The following RET variants were observed in gnomAD, a reference collection of about 807,000 sequenced individuals.
RET encodes proto-oncogene tyrosine-protein kinase receptor Ret.
Under a neutral mutation model 118.3 loss-of-function variants are expected in RET, and 19 were observed. That is an observed-to-expected ratio of 0.16 (90% CI 0.11 to 0.24). The LOEUF (loss-of-function observed/expected upper bound fraction) is 0.24. Ranked by LOEUF, RET falls within the 10% of genes least tolerant of loss-of-function variation. The pLI is 1.00. For synonymous variants in RET, 597 were observed against 644.1 expected, an observed-to-expected ratio of 0.93 and a Z score of 1.11; for missense variants, 1,219 against 1,502.1, an observed-to-expected ratio of 0.81 and a Z score of 3.12.
chr10:43,112,880 C>T lies in RET; in HGVS notation c.1676C>T (p.Ser559Phe), dbSNP rs1248003542. 1.2e-6 allele frequency: 2 copies of T among 1,614,136 alleles called. No homozygotes were observed. Among genetic ancestry groups the T allele is most frequent in the South Asian group, 2.2e-5 (2 of 91,080 alleles). Residue 559 changes from serine to phenylalanine, a missense_variant, in exon 9 of 20, where the codon TCT becomes TTT. Coordinates refer to ENST00000355710, the MANE Select transcript of RET (RefSeq NM_020975.6). ...ATCACCAGGAACTTCTCCACCTGCT[C>T]TCCCAGCACCAAGACCTGCCCCGAC... The part of the protein sequence containing the change: ...KGITRNFSTC[S>F]PSTKTCPDGH...
chr10:43,125,540 C>A (rs1838310567), intron 18 of RET, among the ~76,000 whole-genome samples: 1 of 152,204 alleles, frequency 6.6e-6, no homozygotes, highest in Non-Finnish European at 1.5e-5. Flanking sequence ...TTTCCCAGAG[C>A]CGAACGCAGG....
At chr10:43,085,538 C>T (rs777198997) in intron 1 of RET, among the ~76,000 whole-genome samples, 1 of 152,212 alleles carries the variant, frequency 6.6e-6, no homozygotes, top group African/African-American at 2.4e-5. Flanking sequence ...CCCCTCGGCC[C>T]CTGGTCAGGA....
intron 19 of RET, 55 bp from the exon 20 acceptor site, chr10:43,128,057 G>C: frequency 1.2e-6 from 2 of 1,600,134 alleles, no homozygotes; most frequent in Non-Finnish European, 1.7e-6. Flanking sequence ...CTTACTGTCT[G>C]CACTTGAAGT....
At chr10:43,123,565 C>T (rs1052400744) in intron 16 of RET, 106 bp from the exon 17 acceptor site, 15 of 1,466,686 alleles carry the variant, frequency 1.0e-5, no homozygotes, top group South Asian at 4.6e-5. Flanking sequence ...TGCTTGAAGC[C>T]GACAGGGTCA....
At chr10:43,085,099 T>C (rs1442464442) in intron 1 of RET, among the ~76,000 whole-genome samples, 2 of 152,206 alleles carry the variant, frequency 1.3e-5, no homozygotes, top group Non-Finnish European at 2.9e-5. Flanking sequence ...GAGGCCAGCA[T>C]GGAGCTGGGG....
Position 43,124,984 on chromosome 10 carries a change from T to G in RET, c.3039+2T>G. On this transcript the variant is annotated splice_donor_variant, in intron 18 of 19. Coordinates refer to ENST00000355710, the MANE Select transcript of RET (RefSeq NM_020975.6). LOFTEE classifies it high-confidence loss of function. ...GAGAAGATGATGGTTAAGAGGAGAG[T>G]GAGTGCCTGGGTCCAATTCCCACAA... 1.2e-6 allele frequency: 2 copies of G among 1,613,688 alleles called. No individual in the cohort carries two copies. Among genetic ancestry groups the G allele is most frequent in the Non-Finnish European group, 1.7e-6 (2 of 1,179,798 alleles).
intron 19 of RET, among the ~76,000 whole-genome samples, chr10:43,127,863 G>C (rs1382628828): frequency 1.3e-5 from 2 of 152,216 alleles, no homozygotes; most frequent in Non-Finnish European, 2.9e-5. Flanking sequence ...CATCAGATTA[G>C]AGAGTCTCAA....
Position 43,129,250 on chromosome 10 carries a change from G to T in RET, c.*981G>T, listed in dbSNP as rs544018393. 9 of 233,560 alleles carry T rather than the reference G, an allele frequency of 3.9e-5. No homozygotes were observed. In the South Asian group the frequency reaches 7.2e-4, roughly 19 times the overall value. The allele number at this position is 233,560 out of a possible 1,614,324, so 14.5% of individuals were successfully genotyped here. A position where few individuals can be genotyped will look rare whatever the true frequency, so the allele number is the denominator to read the frequency against. ...GTAGGGCTTGTACTCACTTTAATTTGAATCTTATCAACTTACTCATAAAGG... is the reference window on the plus strand; with the variant it reads ...GTAGGGCTTGTACTCACTTTAATTTTAATCTTATCAACTTACTCATAAAGG... On this transcript the variant is annotated 3_prime_UTR_variant, in exon 20 of 20. Coordinates refer to ENST00000355710, the MANE Select transcript of RET (RefSeq NM_020975.6).
chr10:43,093,726 G>A (rs1420218856), intron 1 of RET, among the ~76,000 whole-genome samples: 3 of 152,198 alleles, frequency 2.0e-5, no homozygotes, highest in Admixed American at 1.3e-4. Flanking sequence ...AGGAGGGGCC[G>A]GCCTGAGCAT....
At chr10:43,099,232 G>A (rs1315837234) in intron 1 of RET, among the ~76,000 whole-genome samples, 7 of 152,128 alleles carry the variant, frequency 4.6e-5, no homozygotes, top group Non-Finnish European at 7.4e-5. Context: ...TAGATAGGCC[G>A]GGCACGGTGG....
intron 3 of RET, among the ~76,000 whole-genome samples, chr10:43,104,420 G>T (rs776904661): frequency 6.4e-4 from 98 of 152,330 alleles, no homozygotes; most frequent in Non-Finnish European, 4.9e-4. Context: ...GGGAGGCTGA[G>T]GCAGGAGAAT....
At position 43,106,594 on chromosome 10, in the gene RET, C is replaced by G. The variant is rs1333675022; in HGVS notation, c.1063+23C>G. 1 of 1,609,182 alleles carries G rather than the reference C, an allele frequency of 6.2e-7. No individual in the cohort carries two copies. The highest frequency in any genetic ancestry group is 8.5e-7 in the Non-Finnish European group (1 of 1,177,480). ...ATAGTAAGAGGGGCTGGTGGCACGG[C>G]CTGGCTAGGCCCCCAGGAAATGAGG... is the stretch of plus-strand genomic sequence containing the variant. On this transcript the variant is annotated intron_variant, in intron 5 of 19. Coordinates refer to ENST00000355710, the MANE Select transcript of RET (RefSeq NM_020975.6). The surrounding 1 kb of genome is among the most constrained non-coding windows in gnomAD (Gnocchi z 5.1).
At chr10:43,107,810 G>C (rs1490411327) in intron 5 of RET, among the ~76,000 whole-genome samples, 1 of 152,076 alleles carries the variant, frequency 6.6e-6, no homozygotes, top group African/African-American at 2.4e-5. Context: ...CACACAGAAG[G>C]TATACATTGG....
chr10:43,118,595 C>A, intron 13 of RET, 115 bp downstream of exon 13: 1 of 821,278 alleles, frequency 1.2e-6, no homozygotes, highest in Non-Finnish European at 2.0e-6. Flanking sequence ...GTTTCCTGTT[C>A]TCCCTCTTTC....
intron 1 of RET, among the ~76,000 whole-genome samples, chr10:43,080,541 G>T (rs1837157014): frequency 6.6e-6 from 1 of 152,266 alleles, no homozygotes; most frequent in Admixed American, 6.5e-5. Context: ...GCTTGCTCCA[G>T]CCCGTTCTCT....
intron 1 of RET, among the ~76,000 whole-genome samples, chr10:43,084,894 A>G (rs1837257598): frequency 6.6e-6 from 1 of 152,120 alleles, no homozygotes; most frequent in South Asian, 2.1e-4. Flanking sequence ...CACCCCACTG[A>G]CAAGACGAGA....
chr10:43,111,543 G>A (rs1837929037), intron 7 of RET, 78 bp downstream of exon 7: 3 of 1,492,934 alleles, frequency 2.0e-6, no homozygotes, highest in African/African-American at 1.4e-5. Flanking sequence ...TTTGAGAAAA[G>A]CAGTACAGCT....
intron 1 of RET, among the ~76,000 whole-genome samples, chr10:43,099,359 A>G (rs745763242): frequency 7.2e-5 from 11 of 152,016 alleles, no homozygotes; most frequent in Non-Finnish European, 1.3e-4. Context: ...AGAAAATACA[A>G]AATTAGCTGG....
At position 43,098,794 on chromosome 10, in the gene RET, T is replaced by C. The variant is rs114767691; in HGVS notation, c.74-1665T>C. ...CATGTTTTGTTCATCCATTCATCCA[T>C]TGATGGCCACTGAGGTTGCTTCCAC... On this transcript the variant is annotated intron_variant, in intron 1 of 19. Coordinates refer to ENST00000355710, the MANE Select transcript of RET (RefSeq NM_020975.6). 7.9e-3 allele frequency among the ~76,000 whole-genome samples: 1,197 copies of C among 152,336 alleles called. 15 individuals carry two copies. Among genetic ancestry groups the C allele is most frequent in the African/African-American group, 0.028 (1,150 of 41,574 alleles).
Sources: gnomAD v4.1 joint callset for allele counts (sites outside exome capture counted in the v4.1 genomes callset) on GRCh38, gnomAD v4.1.1 for gene constraint, Gnocchi (gnomAD v3.1) non-coding constraint, MANE v1.5 for transcripts, NCBI Gene and HGNC (gene_info 2026-07-23, HGNC 2026-07-21) for gene names.